Variants in PLET1 observed in about 807,000 individuals in gnomAD.
The protein encoded by PLET1 is placenta expressed transcript 1, also known as placenta-expressed transcript 1 protein.
Under a neutral mutation model 18.5 loss-of-function variants are expected in PLET1, and 20 were observed. The observed-to-expected ratio is 1.08, with a 90% CI of 0.76 to 1.57. The LOEUF is 1.57. Ranked by LOEUF, PLET1 falls within the 40% of genes most tolerant of loss-of-function variation. The pLI is 0.00. For synonymous variants in PLET1, 93 were observed against 93.8 expected, an observed-to-expected ratio of 0.99 and a Z score of 0.05; for missense variants, 256 against 246.4, an observed-to-expected ratio of 1.04 and a Z score of -0.26.
At chr11:112,252,692 G>A (rs543106858) in intron 2 of PLET1, among the ~76,000 whole-genome samples, 1 of 152,260 alleles carries the variant, frequency 6.6e-6, no homozygotes, top group East Asian at 1.9e-4. Flanking sequence ...GTTCAAGCCA[G>A]TCCCTCTGCC....
intron 2 of PLET1, among the ~76,000 whole-genome samples, chr11:112,253,487 G>A (rs576643804): frequency 1.3e-5 from 2 of 152,308 alleles, no homozygotes; most frequent in South Asian, 4.1e-4. Context: ...TGCAAGTTGG[G>A]AGAGGTCTGG....
chr11:112,253,004 G>A (rs899831136), intron 2 of PLET1, among the ~76,000 whole-genome samples: 2 of 152,200 alleles, frequency 1.3e-5, no homozygotes, highest in African/African-American at 4.8e-5. Flanking sequence ...CCTCATTTCA[G>A]TCACTGTGCC....
chr11:112,258,489 G>A (rs951533458), intron 1 of PLET1, among the ~76,000 whole-genome samples: 1 of 151,970 alleles, frequency 6.6e-6, no homozygotes, highest in African/African-American at 2.4e-5. Flanking sequence ...TTGCCATGTT[G>A]CTCAGTCTGG....
intron 1 of PLET1, among the ~76,000 whole-genome samples, chr11:112,258,281 CTTTTTTTT>C (rs35254168): frequency 6.1e-5 from 6 of 97,694 alleles, no homozygotes; most frequent in Admixed American, 2.4e-4. Context: ...TTCTTTCTTT[CTTTTTTTT>C]TTTTTTTTTT....
At position 112,252,354 on chromosome 11, in the gene PLET1, C is replaced by T; in HGVS notation, c.442G>A (p.Glu148Lys). The change falls in exon 3 of 4, where the codon GAA (glutamate) becomes AAA (lysine). Residue 148 changes from glutamate to lysine, a missense_variant. Coordinates refer to ENST00000338832, the MANE Select transcript of PLET1 (RefSeq NM_001145024.1). ...LPILSTLKLR[E>K]KLSTLALAAK... Reference sequence around the variant, plus strand: ...GGGCTGCAAAGGAACTCACGTTTTTCTCTTAGCTTCAGAGTAGAAAGTATA... The same window carrying T: ...GGGCTGCAAAGGAACTCACGTTTTTTTCTTAGCTTCAGAGTAGAAAGTATA... The T allele has an allele frequency of 1.3e-6, 2 of 1,551,052 alleles. No homozygotes were observed. Among genetic ancestry groups the T allele is most frequent in the East Asian group, 2.4e-5 (1 of 40,910 alleles).
Position 112,248,948 on chromosome 11 carries a change from T to C in PLET1, c.475A>G (p.Ile159Val). 1 of 1,550,670 alleles carries C rather than the reference T, an allele frequency of 6.4e-7. No homozygotes were observed. The highest frequency in any genetic ancestry group is 8.7e-7 in the Non-Finnish European group (1 of 1,146,960). ...KLSTLALAAKIPQSSAFKPFF... is the reference protein window; with the variant it reads ...KLSTLALAAKVPQSSAFKPFF... The stretch of plus-strand genomic sequence containing the variant: ...GGCTTGAAGGCTGAGCTCTGGGGAA[T>C]CTTGGCAGCTAAGGCTAAGGTTGAC... The change falls in exon 4 of 4, where the codon ATT becomes GTT. Residue 159 changes from isoleucine (I) to valine (V), a missense_variant. Transcript: ENST00000338832.
chr11:112,248,379 C>T lies in PLET1; in HGVS notation c.*420G>A. The T allele has an allele frequency of 2.6e-6, 1 of 390,908 alleles. No individual in the cohort carries two copies. The highest frequency in any genetic ancestry group is 4.5e-6 in the Non-Finnish European group (1 of 221,926). 24.2% of individuals were successfully genotyped at this position (390,908 alleles called of 1,614,324 possible). ...ATGAGTCACAGAAGTTCCTTGTAAC[C>T]TGAATGGGTTTGGTTAGAAATCTGA... On this transcript the variant is annotated 3_prime_UTR_variant, in exon 4 of 4. Coordinates refer to ENST00000338832, the MANE Select transcript of PLET1 (RefSeq NM_001145024.1).
chr11:112,254,374 G>A (rs1860190252), intron 2 of PLET1, among the ~76,000 whole-genome samples: 1 of 148,900 alleles, frequency 6.7e-6, no homozygotes, highest in Non-Finnish European at 1.5e-5. Context: ...TGTGTGTGGT[G>A]TATGTGTGGG....
At chr11:112,251,533 C>T (rs1340689362) in intron 3 of PLET1, among the ~76,000 whole-genome samples, 1 of 152,210 alleles carries the variant, frequency 6.6e-6, no homozygotes, top group Non-Finnish European at 1.5e-5. Context: ...TGAGATCGCA[C>T]TACTGCACTC....
chr11:112,255,628 C>A (rs1036191484), intron 1 of PLET1, 39 bp from the exon 2 acceptor site: 2 of 1,528,174 alleles, frequency 1.3e-6, no homozygotes, highest in Admixed American at 2.0e-5. Context: ...GCCATCTGTT[C>A]CCTCTGAGCC....
chr11:112,252,657 G>T (rs2135416821), intron 2 of PLET1, among the ~76,000 whole-genome samples: 1 of 152,206 alleles, frequency 6.6e-6, no homozygotes, highest in East Asian at 1.9e-4. Flanking sequence ...CTGCCCACAG[G>T]CTGGTACACA....
At chr11:112,252,729 C>T (rs1377914048) in intron 2 of PLET1, among the ~76,000 whole-genome samples, 2 of 152,148 alleles carry the variant, frequency 1.3e-5, no homozygotes, top group African/African-American at 4.8e-5. Flanking sequence ...GTCACATCTG[C>T]TCATAGACTC....
At chr11:112,258,329 G>A (rs1421890392) in intron 1 of PLET1, among the ~76,000 whole-genome samples, 1 of 143,878 alleles carries the variant, frequency 7.0e-6, no homozygotes, top group East Asian at 2.0e-4. Context: ...TGTCACCTAG[G>A]CTGGAGTGCA....
chr11:112,257,730 T>C (rs968854869), intron 1 of PLET1, among the ~76,000 whole-genome samples: 9 of 152,176 alleles, frequency 5.9e-5, no homozygotes, highest in Non-Finnish European at 1.3e-4. Context: ...ATATGTTGCT[T>C]GAGCTGCAGT....
chr11:112,254,707 ATGTG>A (rs1283456466), intron 2 of PLET1, among the ~76,000 whole-genome samples: 1 of 59,160 alleles, frequency 1.7e-5, no homozygotes, highest in Non-Finnish European at 3.3e-5. Context: ...TGTGGTATGT[ATGTG>A]TGTGTTGTGA....
At chr11:112,255,054 GTAT>G in intron 2 of PLET1, among the ~76,000 whole-genome samples, 1 of 110,130 alleles carries the variant, frequency 9.1e-6, no homozygotes, top group South Asian at 3.8e-4. Flanking sequence ...GGTGCGTGTG[GTAT>G]GTGTGTGTGT....
At chr11:112,252,545 T>A in intron 2 of PLET1, 136 bp from the exon 3 acceptor site, 1 of 726,902 alleles carries the variant, frequency 1.4e-6, no homozygotes, top group Non-Finnish European at 2.3e-6. Flanking sequence ...AGCAGATCAT[T>A]AAATACTGGT....
At chr11:112,254,132 A>G (rs1263077412) in intron 2 of PLET1, among the ~76,000 whole-genome samples, 1 of 152,082 alleles carries the variant, frequency 6.6e-6, no homozygotes, top group Non-Finnish European at 1.5e-5. Flanking sequence ...CAGTTTGAAC[A>G]TAGGGAATAT....
chr11:112,249,113 C>CT, intron 3 of PLET1, 139 bp from the exon 4 acceptor site: 1 of 779,248 alleles, frequency 1.3e-6, no homozygotes, highest in Non-Finnish European at 2.1e-6. Context: ...TCAATCAACC[C>CT]TTCTCCAGTG....
Sources: gnomAD v4.1 joint callset for allele counts (sites outside exome capture counted in the v4.1 genomes callset) on GRCh38, gnomAD v4.1.1 for gene constraint, MANE v1.5 for transcripts, NCBI Gene and HGNC (gene_info 2026-07-23, HGNC 2026-07-21) for gene names.